Variants in EML1 observed in about 807,000 individuals in gnomAD.
EML1 encodes the protein EMAP like 1, also known as echinoderm microtubule-associated protein-like 1.
A neutral mutation model predicts 110.4 loss-of-function variants in EML1; 27 were observed. The ratio of observed to expected loss-of-function variants is 0.24; its 90% confidence interval spans 0.18 to 0.34. The LOEUF (loss-of-function observed/expected upper bound fraction) is 0.34, where lower values mean the gene tolerates loss of function less well. Ranked by LOEUF, EML1 falls within the 10% of genes least tolerant of loss-of-function variation. The pLI is 1.00. For missense variants in EML1, 741 were observed against 1,030.9 expected (o/e 0.72, Z 3.85); for synonymous variants, 344 against 385.8 (o/e 0.89, Z 1.27).
chr14:99,788,948 T>C (rs922368625), upstream of EML1, among the ~76,000 whole-genome samples: 6 of 152,170 alleles, frequency 3.9e-5, no homozygotes, highest in African/African-American at 1.4e-4. Context: ...TATTTCACGC[T>C]GCATAATGTC....
At chr14:99,869,745 A>G (rs1211746399) in intron 3 of EML1, among the ~76,000 whole-genome samples, 2 of 152,094 alleles carry the variant, frequency 1.3e-5, no homozygotes, top group Non-Finnish European at 2.9e-5. Flanking sequence ...TCATGAACGT[A>G]TTGGTGCTGT....
At chr14:99,754,504 A>T (rs2057222058) in intron 1 of EML1, among the ~76,000 whole-genome samples, 2 of 152,128 alleles carry the variant, frequency 1.3e-5, no homozygotes, top group African/African-American at 2.4e-5. Flanking sequence ...TAGGTTACAG[A>T]CGGACCTCCC....
intron 20 of EML1, among the ~76,000 whole-genome samples, chr14:99,938,791 G>A (rs531766537): frequency 6.6e-6 from 1 of 152,368 alleles, no homozygotes; most frequent in South Asian, 2.1e-4. Flanking sequence ...ACCCACCCAT[G>A]TAGAGTTACA....
intron 16 of EML1, 26 bp downstream of exon 16, chr14:99,917,875 G>A: frequency 1.9e-6 from 3 of 1,611,916 alleles, no homozygotes; most frequent in Non-Finnish European, 2.5e-6. Context: ...CAGCGCTTGT[G>A]CTTGCAAAGC....
chr14:99,839,475 G>A (rs554410636), intron 1 of EML1, among the ~76,000 whole-genome samples: 1 of 152,180 alleles, frequency 6.6e-6, no homozygotes, highest in African/African-American at 2.4e-5. Flanking sequence ...GAATTAAACT[G>A]AAAGTTTGTT....
intron 1 of EML1, among the ~76,000 whole-genome samples, chr14:99,798,693 A>G (rs567664950): frequency 1.3e-5 from 2 of 152,254 alleles, no homozygotes; most frequent in East Asian, 1.9e-4. Context: ...TACCTGGCCT[A>G]TACTTCTAAT....
intron 1 of EML1, among the ~76,000 whole-genome samples, chr14:99,846,717 C>T (rs1250798819): frequency 6.6e-6 from 1 of 152,142 alleles, no homozygotes; most frequent in Non-Finnish European, 1.5e-5. Flanking sequence ...AATTTGTAGG[C>T]AGGTGTCTTC....
exon 1 of EML1, chr14:99,773,531 A>G (rs781757191): frequency 9.8e-5 from 15 of 152,342 alleles, no homozygotes; most frequent in Admixed American, 2.0e-4. Context: ...ACCCCAGGCA[A>G]TTCTCCATCA....
rs534768675 is a variant in EML1, at chr14:99,940,917, C to G, written c.*805C>G. ...TTACTTGGCATGAGATGATATTGTA[C>G]TTGTATAGGATTCTAGCAATTCATA... On this transcript the variant is annotated 3_prime_UTR_variant, in exon 22 of 22. Transcript: ENST00000262233. The G allele has an allele frequency of 6.6e-6, 1 of 152,188 alleles. No homozygotes were observed. The highest frequency in any genetic ancestry group is 1.5e-5 in the Non-Finnish European group (1 of 68,040). The allele number at this position is 152,188 out of a possible 1,614,324, so 9.4% of individuals were successfully genotyped here.
intron 4 of EML1, among the ~76,000 whole-genome samples, chr14:99,886,369 A>C (rs949309058): frequency 1.3e-5 from 2 of 152,118 alleles, no homozygotes; most frequent in Non-Finnish European, 2.9e-5. Context: ...GTAGTCCCAG[A>C]TACTTGGGAG....
chr14:99,789,831 T>C (rs1337419968), upstream of EML1, among the ~76,000 whole-genome samples: 7 of 152,234 alleles, frequency 4.6e-5, no homozygotes, highest in Admixed American at 6.5e-5. Context: ...GTACACATCA[T>C]TTATTACAAT....
chr14:99,761,458 G>A (rs1209873875), intron 1 of EML1, among the ~76,000 whole-genome samples: 1 of 152,192 alleles, frequency 6.6e-6, no homozygotes, highest in East Asian at 1.9e-4. Flanking sequence ...GTGTCTTACT[G>A]GGAGGCGCCT....
chr14:99,788,560 G>C (rs1317941333), upstream of EML1, among the ~76,000 whole-genome samples: 5 of 152,110 alleles, frequency 3.3e-5, no homozygotes, highest in South Asian at 1.0e-3. Flanking sequence ...AGTGTGCTCT[G>C]ATTGCACTTG....
intron 6 of EML1, among the ~76,000 whole-genome samples, chr14:99,896,451 G>C (rs566669659): frequency 6.6e-6 from 1 of 152,006 alleles, no homozygotes; most frequent in African/African-American, 2.4e-5. Context: ...GCTTCAGCTC[G>C]TCTTTAAGTC....
chr14:99,826,205 C>A (rs1396779303), intron 1 of EML1, among the ~76,000 whole-genome samples: 2 of 150,654 alleles, frequency 1.3e-5, no homozygotes, highest in Admixed American at 1.3e-4. Context: ...CTCCTCCTCC[C>A]AGGTTCAAGC....
At position 99,901,012 on chromosome 14, in the gene EML1, A is replaced by G; in HGVS notation, c.981A>G (p.Ala327=). The G allele has an allele frequency of 6.2e-7, 1 of 1,614,152 alleles. No individual in the cohort carries two copies. Among genetic ancestry groups the G allele is most frequent in the Non-Finnish European group, 8.5e-7 (1 of 1,180,012 alleles). The part of the protein sequence containing the change: ...HVIGIGFFDR[A]VTCIAFSKSN... The stretch of plus-strand genomic sequence containing the variant: ...TTGGAATAGGTTTTTTTGACCGAGC[A>G]GTCACCTGTATTGCATTCTCAAAAT... The change falls in exon 9 of 22, where the codon GCA becomes GCG. Residue 327 remains alanine, a synonymous_variant. Transcript: ENST00000262233.
At chr14:99,928,706 G>A (rs879605769) in intron 17 of EML1, among the ~76,000 whole-genome samples, 7 of 152,250 alleles carry the variant, frequency 4.6e-5, no homozygotes, top group East Asian at 3.9e-4. Flanking sequence ...TATTGACAGC[G>A]TCAACTCTGC....
intron 15 of EML1, 89 bp from the exon 16 acceptor site, chr14:99,917,693 G>A (rs1031807417): frequency 2.4e-5 from 30 of 1,245,918 alleles, no homozygotes; most frequent in East Asian, 4.7e-5. Flanking sequence ...AAGTGTGAGC[G>A]TTTGTGTGTG....
intron 1 of EML1, among the ~76,000 whole-genome samples, chr14:99,801,392 G>A (rs2057875989): frequency 6.6e-6 from 1 of 152,144 alleles, no homozygotes; most frequent in African/African-American, 2.4e-5. Context: ...GAGGTGGGCG[G>A]ATCATGAGGT....
Sources: gnomAD v4.1 joint callset for allele counts (sites outside exome capture counted in the v4.1 genomes callset) on GRCh38, gnomAD v4.1.1 for gene constraint, MANE v1.5 for transcripts, NCBI Gene and HGNC (gene_info 2026-07-23, HGNC 2026-07-21) for gene names.